The following CLYBL variants were observed in gnomAD, a reference collection of about 807,000 sequenced individuals.
CLYBL encodes citramalyl-CoA lyase, mitochondrial.
In CLYBL, 31 loss-of-function variants were observed where a neutral mutation model predicts 38.9. That is an observed-to-expected ratio of 0.80 (90% CI 0.60 to 1.08). The LOEUF (loss-of-function observed/expected upper bound fraction) is 1.08, where lower values mean the gene tolerates loss of function less well. CLYBL is among the 50% of genes least tolerant of loss of function. CLYBL has a pLI of 0.00. For missense variants in CLYBL, 434 were observed against 411.6 expected (o/e 1.05, Z -0.47); for synonymous variants, 171 against 158.6 (o/e 1.08, Z -0.59).
At chr13:99,622,027 G>T (rs2046805205) in intron 1 of CLYBL, among the ~76,000 whole-genome samples, 1 of 152,158 alleles carries the variant, frequency 6.6e-6, no homozygotes, top group Non-Finnish European at 1.5e-5. Flanking sequence ...GCTTCTAGAG[G>T]CTGCCCACAT....
intron 7 of CLYBL, chr13:99,884,905 C>A: frequency 4.3e-6 from 2 of 460,160 alleles, no homozygotes; most frequent in South Asian, 3.2e-5. Context: ...ACAGTCCCTT[C>A]CCTAAGGTCC....
intron 1 of CLYBL, among the ~76,000 whole-genome samples, chr13:99,691,709 GCTC>G (rs967333531): frequency 1.3e-4 from 20 of 152,178 alleles, no homozygotes; most frequent in African/African-American, 4.3e-4. Flanking sequence ...TAGACTATAA[GCTC>G]CTCATAAGCT....
intron 1 of CLYBL, among the ~76,000 whole-genome samples, chr13:99,652,727 C>T (rs74112524): frequency 0.041 from 6,261 of 152,308 alleles, 332 homozygotes; most frequent in African/African-American, 0.13. Flanking sequence ...GTCGTGGCCT[C>T]TTTCACCTCC....
chr13:99,808,365 T>C (rs2050274121), intron 2 of CLYBL, among the ~76,000 whole-genome samples: 1 of 152,124 alleles, frequency 6.6e-6, no homozygotes, highest in Non-Finnish European at 1.5e-5. Flanking sequence ...AGGTTTTAGG[T>C]GTGAGCTACT....
chr13:99,889,128 A>G (rs1215796443), intron 7 of CLYBL, among the ~76,000 whole-genome samples: 2 of 152,206 alleles, frequency 1.3e-5, no homozygotes, highest in Admixed American at 1.3e-4. Flanking sequence ...TTTATCTTTG[A>G]TGTGCACATG....
chr13:99,675,032 C>G (rs1274984519), intron 1 of CLYBL, among the ~76,000 whole-genome samples: 1 of 152,108 alleles, frequency 6.6e-6, no homozygotes, highest in Non-Finnish European at 1.5e-5. Flanking sequence ...GCAACATAGC[C>G]AGACCAGACC....
chr13:99,753,678 A>T (rs560752236), intron 1 of CLYBL, among the ~76,000 whole-genome samples: 1 of 152,196 alleles, frequency 6.6e-6, no homozygotes, highest in East Asian at 1.9e-4. Context: ...TTTAGTGGCA[A>T]TCTCTTTTTA....
chr13:99,856,043 C>T (rs1199698069), intron 2 of CLYBL, among the ~76,000 whole-genome samples: 4 of 152,100 alleles, frequency 2.6e-5, no homozygotes, highest in Non-Finnish European at 5.9e-5. Context: ...ATTCACTGCT[C>T]ATTATTATAA....
chr13:99,621,414 C>T (rs1295151565), intron 1 of CLYBL, among the ~76,000 whole-genome samples: 2 of 152,204 alleles, frequency 1.3e-5, no homozygotes, highest in African/African-American at 2.4e-5. Flanking sequence ...CTCAGCCAGC[C>T]ATCTGTCTCG....
chr13:99,891,879 A>G (rs1180772635), intron 8 of CLYBL: 1 of 153,600 alleles, frequency 6.5e-6, no homozygotes, highest in African/African-American at 2.4e-5. Flanking sequence ...GGTCATCTCT[A>G]TTTCACTAGT....
chr13:99,811,618 G>A (rs71439620), intron 2 of CLYBL, among the ~76,000 whole-genome samples: 3,912 of 152,200 alleles, frequency 0.026, 115 homozygotes, highest in South Asian at 0.17. Flanking sequence ...CTGGTGGCAG[G>A]AGCTCTCTGC....
At chr13:99,678,962 A>G (rs531451626) in intron 1 of CLYBL, among the ~76,000 whole-genome samples, 5 of 152,270 alleles carry the variant, frequency 3.3e-5, no homozygotes, top group African/African-American at 1.2e-4. Flanking sequence ...CACTCAAAAT[A>G]TTTTAACTTG....
chr13:99,827,857 A>G (rs1373013944), intron 2 of CLYBL, among the ~76,000 whole-genome samples: 1 of 152,338 alleles, frequency 6.6e-6, no homozygotes, highest in East Asian at 1.9e-4. Flanking sequence ...GCCAAGGCTC[A>G]CTTGCGCAGA....
chr13:99,765,473 T>C (rs2049250490), intron 1 of CLYBL, among the ~76,000 whole-genome samples: 1 of 152,154 alleles, frequency 6.6e-6, no homozygotes, highest in Admixed American at 6.5e-5. Context: ...TTGGAAAGTT[T>C]TTTGTTTCTC....
At chr13:99,825,226 G>T (rs1173681323) in intron 2 of CLYBL, among the ~76,000 whole-genome samples, 1 of 152,180 alleles carries the variant, frequency 6.6e-6, no homozygotes, top group Non-Finnish European at 1.5e-5. Flanking sequence ...AGAACTAGGG[G>T]TGGAAGATCC....
At chr13:99,898,532 G>A (rs535810972), downstream of CLYBL, among the ~76,000 whole-genome samples, 96 of 152,228 alleles carry the variant, frequency 6.3e-4, no homozygotes, top group Non-Finnish European at 1.1e-3. Flanking sequence ...GAATTCGTGC[G>A]GTGGCTCTCG....
intron 1 of CLYBL, among the ~76,000 whole-genome samples, chr13:99,668,309 G>A (rs964927032): frequency 4.6e-5 from 7 of 150,690 alleles, no homozygotes; most frequent in East Asian, 2.0e-4. Context: ...ACTGGCGGCC[G>A]GGCATGGTAG....
chr13:99,814,025 T>C (rs1027028880), intron 2 of CLYBL, among the ~76,000 whole-genome samples: 3 of 152,208 alleles, frequency 2.0e-5, no homozygotes, highest in Non-Finnish European at 4.4e-5. Context: ...CTTTCACTAA[T>C]CCTTTCCAGC....
chr13:99,720,998 C>T (rs7335847), intron 1 of CLYBL, among the ~76,000 whole-genome samples: 1,861 of 151,624 alleles, frequency 0.012, 33 homozygotes, highest in African/African-American at 0.043. Context: ...TGTGCCATGT[C>T]CTGTATGATT....
Sources: allele counts gnomAD v4.1 joint callset (sites outside exome capture counted in the v4.1 genomes callset), GRCh38; gene constraint gnomAD v4.1.1; transcripts MANE v1.5; gene names NCBI Gene and HGNC (gene_info 2026-07-23, HGNC 2026-07-21).